EXD3: variants seen among roughly 807,000 people sequenced by gnomAD.
The protein encoded by EXD3 is exonuclease 3'-5' domain containing 3.
A neutral mutation model predicts 98.0 loss-of-function variants in EXD3; 92 were observed. The observed-to-expected ratio is 0.94, with a 90% CI of 0.79 to 1.12. The LOEUF (loss-of-function observed/expected upper bound fraction) is 1.12. EXD3 is among the 50% of genes most tolerant of loss of function. The pLI is 0.00. For missense variants in EXD3, 1,222 were observed against 1,191.6 expected (o/e 1.03, Z -0.38); for synonymous variants, 569 against 526.0 (o/e 1.08, Z -1.12).
intron 3 of EXD3, among the ~76,000 whole-genome samples, chr9:137,378,863 GA>G (rs1836049787): frequency 6.6e-6 from 1 of 151,608 alleles, no homozygotes; most frequent in African/African-American, 2.4e-5. Flanking sequence ...GCGTCTGTGT[GA>G]GGGGTACAGG....
chr9:137,366,722 C>G, intron 6 of EXD3, 90 bp from the exon 7 acceptor site: 1 of 1,474,740 alleles, frequency 6.8e-7, no homozygotes, highest in Non-Finnish European at 9.0e-7. Flanking sequence ...GCCAAAGTGT[C>G]AGAACGAAAG....
intron 19 of EXD3, among the ~76,000 whole-genome samples, chr9:137,321,032 AG>A (rs1468829282): frequency 1.3e-5 from 2 of 152,156 alleles, no homozygotes; most frequent in African/African-American, 2.4e-5. Context: ...CGGTCCCCGC[AG>A]GGCAGTGGGG....
intron 14 of EXD3, among the ~76,000 whole-genome samples, chr9:137,350,228 T>G (rs1310761132): frequency 3.2e-4 from 14 of 44,306 alleles, no homozygotes; most frequent in Admixed American, 8.5e-4. Context: ...CGGGGAAGGT[T>G]CTAGATAGAG....
intron 19 of EXD3, 113 bp downstream of exon 19, chr9:137,323,612 C>G (rs914595417): frequency 7.0e-7 from 1 of 1,435,630 alleles, no homozygotes; most frequent in African/African-American, 1.4e-5. Context: ...GATGCTCTGC[C>G]GACACCCCAC....
At chr9:137,313,184 G>T (rs1044947781) in intron 19 of EXD3, among the ~76,000 whole-genome samples, 10 of 152,160 alleles carry the variant, frequency 6.6e-5, no homozygotes, top group African/African-American at 2.4e-4. Context: ...CCTGGGACCT[G>T]CCAGGGCCAC....
chr9:137,324,221 CT>C lies in EXD3; in HGVS notation c.1999-79del, dbSNP rs944409798. On this transcript the variant is annotated intron_variant, in intron 17 of 21. Transcript: ENST00000340951. This position sits in a 1 kb window ranked among gnomAD's most constrained non-coding sequence, Gnocchi z 4.1. Reference sequence around the variant, plus strand: ...CTGGGCCACCTCTGCTCGCCACCCCCTAGCTCCCCGGATCGTGGCCCTGCCC... The same window carrying C: ...CTGGGCCACCTCTGCTCGCCACCCCCAGCTCCCCGGATCGTGGCCCTGCCC... 7.8e-7 allele frequency: 1 copy of C among 1,287,140 alleles called. No homozygotes were observed. The highest frequency in any genetic ancestry group is 1.5e-5 in the African/African-American group (1 of 67,912). 79.7% of individuals were successfully genotyped at this position (1,287,140 alleles called of 1,614,324 possible). A position where few individuals can be genotyped will look rare whatever the true frequency, so the allele number is the denominator to read the frequency against.
rs1485714850 is a variant in EXD3, at chr9:137,314,606, CT to C, written c.2185-4907del. On this transcript the variant is annotated intron_variant, in intron 19 of 21. Transcript: ENST00000340951. ...GGCCTCGCCCCTGCCCCCTTGCCCC[CT>C]GTCCCCCCGCCCCCAGGGCCCCGGA... Among the ~76,000 whole-genome samples the C allele has an allele frequency of 7.9e-5, 12 of 152,224 alleles. No individual in the cohort carries two copies. The South Asian group carries it at 2.1e-3, about 26-fold the overall frequency.
At chr9:137,388,888 C>T (rs1441291250) in intron 2 of EXD3, among the ~76,000 whole-genome samples, 2 of 152,178 alleles carry the variant, frequency 1.3e-5, no homozygotes, top group Non-Finnish European at 2.9e-5. Context: ...TCCACGGGTC[C>T]AGGCACCTGC....
At chr9:137,353,977 G>A (rs920271359) in intron 10 of EXD3, 39 of 1,097,864 alleles carry the variant, frequency 3.6e-5, no homozygotes, top group East Asian at 5.4e-5. Flanking sequence ...ACCGGGCTGG[G>A]GGGGCCTGGC....
chr9:137,406,296 A>AAAG (rs1837710930), intron 1 of EXD3, among the ~76,000 whole-genome samples: 1 of 151,624 alleles, frequency 6.6e-6, no homozygotes, highest in African/African-American at 2.4e-5. Context: ...AAAAGGAAAA[A>AAAG]AAAAAGAAAA....
In EXD3 at chr9:137,393,990, C is replaced by T. The variant is rs1837076804; in HGVS notation, c.55+1313G>A. 1.3e-5 allele frequency among the ~76,000 whole-genome samples: 2 copies of T among 152,206 alleles called. No homozygotes were observed. The highest frequency in any genetic ancestry group is 2.9e-5 in the Non-Finnish European group (2 of 68,028). ...CTGCCCACAAAGCCATGGCCCCGGA[C>T]AGCTCCCACTGGGGCCGAGCCCCTG... is the stretch of plus-strand genomic sequence containing the variant. On this transcript the variant is annotated intron_variant, in intron 2 of 21. Transcript: ENST00000340951. The surrounding 1 kb of genome is among the most constrained non-coding windows in gnomAD (Gnocchi z 4.6).
intron 19 of EXD3, among the ~76,000 whole-genome samples, chr9:137,320,650 C>T (rs1032092456): frequency 6.6e-6 from 1 of 152,174 alleles, no homozygotes; most frequent in African/African-American, 2.4e-5. Flanking sequence ...ATCCCATCCA[C>T]TCAGCCAGGC....
chr9:137,315,464 C>T (rs897156209), intron 19 of EXD3, among the ~76,000 whole-genome samples: 6 of 152,102 alleles, frequency 3.9e-5, no homozygotes, highest in African/African-American at 7.2e-5. Context: ...GGGTGTCTGG[C>T]ACCCCTCTGG....
chr9:137,419,769 G>A lies in EXD3; in HGVS notation c.-48+3345C>T, dbSNP rs193119330. On this transcript the variant is annotated intron_variant, in intron 1 of 21. Coordinates refer to ENST00000340951, the MANE Select transcript of EXD3 (RefSeq NM_017820.5). ...GACATTGACAAGTATACAGACTTCCGATAACCTGGGAGATCACACCAGTAG... is the reference window on the plus strand; with the variant it reads ...GACATTGACAAGTATACAGACTTCCAATAACCTGGGAGATCACACCAGTAG... Among the ~76,000 whole-genome samples the A allele has an allele frequency of 1.0e-3, 159 of 152,206 alleles. No individual in the cohort carries two copies. The East Asian group carries it at 0.023, about 22-fold the overall frequency.
chr9:137,323,842 G>A lies in EXD3; in HGVS notation c.2067C>T (p.Val689=), dbSNP rs1396027585. 11 of 1,611,062 alleles carry A rather than the reference G, an allele frequency of 6.8e-6. No individual in the cohort carries two copies. The highest frequency in any genetic ancestry group is 2.7e-5 in the African/African-American group (2 of 74,894). The change falls in exon 19 of 22, where the codon GTC becomes GTT. Residue 689 remains valine (V), a synonymous_variant. Coordinates refer to ENST00000340951, the MANE Select transcript of EXD3 (RefSeq NM_017820.5). ...GQPFHKLRAQ[V]GAGRCLSVDC... ...CGACCGAGAGGCAGCGCCCAGCCCC[G>A]ACCTGGGCCCGGAGCTGCAAAGACA... is the stretch of plus-strand genomic sequence containing the variant.
intron 3 of EXD3, among the ~76,000 whole-genome samples, chr9:137,381,892 C>G (rs1170983862): frequency 6.6e-6 from 1 of 152,184 alleles, no homozygotes; most frequent in Admixed American, 6.5e-5. Context: ...CATTCGCCAG[C>G]TTGCTGGAAT....
At chr9:137,408,838 C>T (rs184415249) in intron 1 of EXD3, among the ~76,000 whole-genome samples, 4 of 152,230 alleles carry the variant, frequency 2.6e-5, no homozygotes, top group Non-Finnish European at 4.4e-5. Flanking sequence ...GCCCAGGACC[C>T]GGGCGCAGCT....
At chr9:137,348,279 C>A (rs1834042538) in intron 16 of EXD3, 41 bp from the exon 17 acceptor site, 3 of 1,575,280 alleles carry the variant, frequency 1.9e-6, no homozygotes, top group East Asian at 4.6e-5. Context: ...GGTCACCCCC[C>A]AGCCCCTCAC....
At position 137,385,777 on chromosome 9, in the gene EXD3, G is replaced by A. The variant is rs1050296490; in HGVS notation, c.56-2400C>T. On this transcript the variant is annotated intron_variant, in intron 2 of 21. Coordinates refer to ENST00000340951, the MANE Select transcript of EXD3 (RefSeq NM_017820.5). The surrounding 1 kb of genome is among the most constrained non-coding windows in gnomAD (Gnocchi z 4.4). ...TTGAACTCCTGAGCTCAATTGGTCCGTCCACCTCGGCCTCCCAAAGTGCTG... is the reference window on the plus strand; with the variant it reads ...TTGAACTCCTGAGCTCAATTGGTCCATCCACCTCGGCCTCCCAAAGTGCTG... 1.3e-5 allele frequency among the ~76,000 whole-genome samples: 2 copies of A among 152,024 alleles called. No individual in the cohort carries two copies. The highest frequency in any genetic ancestry group is 2.1e-4 in the South Asian group (1 of 4,764).
Sources: gnomAD v4.1 joint callset for allele counts (sites outside exome capture counted in the v4.1 genomes callset) on GRCh38, gnomAD v4.1.1 for gene constraint, Gnocchi (gnomAD v3.1) non-coding constraint, MANE v1.5 for transcripts, NCBI Gene and HGNC (gene_info 2026-07-23, HGNC 2026-07-21) for gene names.